Variants in CSMD1 observed in about 807,000 individuals in gnomAD.
CSMD1 encodes the protein CUB and sushi domain-containing protein 1.
A neutral mutation model predicts 417.5 loss-of-function variants in CSMD1; 213 were observed. That is an observed-to-expected ratio of 0.51 (90% CI 0.46 to 0.57). The LOEUF is 0.57. Ranked by LOEUF, CSMD1 falls within the 20% of genes least tolerant of loss-of-function variation. The pLI, the probability that CSMD1 is intolerant of heterozygous loss-of-function variation, is 0.00. For missense variants in CSMD1, 6,923 were observed against 4,529.7 expected (o/e 1.53, Z -15.17); for synonymous variants, 2,862 against 1,736.8 (o/e 1.65, Z -16.11).
chr8:4,621,453 G>T (rs1801773652), intron 2 of CSMD1, among the ~76,000 whole-genome samples: 1 of 152,096 alleles, frequency 6.6e-6, no homozygotes, highest in Non-Finnish European at 1.5e-5. Flanking sequence ...TTAAAAAGCA[G>T]AGATCAAGTG....
intron 2 of CSMD1, among the ~76,000 whole-genome samples, chr8:4,582,258 A>G (rs1195776127): frequency 2.6e-5 from 4 of 152,184 alleles, no homozygotes; most frequent in Non-Finnish European, 5.9e-5. Context: ...GACCTAAAAA[A>G]TGGTCCCGGA....
chr8:3,519,696 GA>G (rs1334400362), intron 10 of CSMD1, among the ~76,000 whole-genome samples: 1 of 152,114 alleles, frequency 6.6e-6, no homozygotes, highest in East Asian at 1.9e-4. Context: ...TTAATTTAAT[GA>G]ATAAAGTGGT....
At chr8:3,563,643 C>G (rs776263261) in intron 10 of CSMD1, among the ~76,000 whole-genome samples, 6 of 152,110 alleles carry the variant, frequency 3.9e-5, no homozygotes, top group South Asian at 2.1e-4. Context: ...GTAATCCCAG[C>G]ACTTTGGGAG....
chr8:3,971,985 C>T (rs1390250285), intron 5 of CSMD1, among the ~76,000 whole-genome samples: 1 of 151,978 alleles, frequency 6.6e-6, no homozygotes, highest in African/African-American at 2.4e-5. Context: ...TGGCTCACTG[C>T]AGCCTTGACC....
intron 5 of CSMD1, among the ~76,000 whole-genome samples, chr8:3,901,928 A>G (rs1807781532): frequency 6.6e-6 from 1 of 152,200 alleles, no homozygotes; most frequent in Non-Finnish European, 1.5e-5. Flanking sequence ...GTGACTATGA[A>G]CAAGAGGACC....
chr8:3,869,623 C>T (rs1006519521), intron 5 of CSMD1, among the ~76,000 whole-genome samples: 17 of 152,086 alleles, frequency 1.1e-4, no homozygotes, highest in Admixed American at 3.3e-4. Flanking sequence ...ACTTTCTCAC[C>T]GCTGAGCTAA....
chr8:4,196,815 G>T (rs1053350511), intron 3 of CSMD1, among the ~76,000 whole-genome samples: 1 of 152,050 alleles, frequency 6.6e-6, no homozygotes, highest in Non-Finnish European at 1.5e-5. Context: ...AGGGATTAAG[G>T]AATGAACACA....
At position 3,188,304 on chromosome 8, in the gene CSMD1, CTTTTTTT is replaced by C. The variant is rs33913660; in HGVS notation, c.5524-346_5524-340del. Among the ~76,000 whole-genome samples, 12 of 87,622 alleles carry C rather than the reference CTTTTTTT, an allele frequency of 1.4e-4. No homozygotes were observed. The East Asian group carries it at 2.7e-3, about 20-fold the overall frequency. The allele number at this position is 87,622 out of a possible 152,430, so 57.5% of individuals were successfully genotyped here. On this transcript the variant is annotated intron_variant, in intron 35 of 69. Coordinates refer to ENST00000635120, the MANE Select transcript of CSMD1 (RefSeq NM_033225.6). ...TTTATTTTTCTTTTTCTTTTCCTTTCTTTTTTTTTTTTTTTTTTTTGAGATGGAGTCT... is the reference window on the plus strand; with the variant it reads ...TTTATTTTTCTTTTTCTTTTCCTTTCTTTTTTTTTTTTTGAGATGGAGTCT...
At chr8:4,333,979 T>A (rs975333711) in intron 3 of CSMD1, among the ~76,000 whole-genome samples, 1 of 152,074 alleles carries the variant, frequency 6.6e-6, no homozygotes, top group Non-Finnish European at 1.5e-5. Context: ...GCAGTCTTAA[T>A]GTTCTGCCTC....
intron 1 of CSMD1, among the ~76,000 whole-genome samples, chr8:4,957,940 T>G (rs1269119793): frequency 6.6e-6 from 1 of 152,200 alleles, no homozygotes; most frequent in Non-Finnish European, 1.5e-5. Context: ...TTACTTGAAG[T>G]ACTCCTTCTG....
intron 1 of CSMD1, among the ~76,000 whole-genome samples, chr8:4,652,200 C>G (rs1803941429): frequency 6.6e-6 from 1 of 152,172 alleles, no homozygotes; most frequent in East Asian, 1.9e-4. Context: ...AAATAGGAGT[C>G]TTCAAAAGAA....
intron 36 of CSMD1, among the ~76,000 whole-genome samples, chr8:3,182,592 G>GTA (rs1821411650): frequency 4.1e-5 from 2 of 49,078 alleles, no homozygotes; most frequent in African/African-American, 1.0e-4. Flanking sequence ...GTGTGTGTGT[G>GTA]TGTGTGTGTG....
intron 7 of CSMD1, among the ~76,000 whole-genome samples, chr8:3,651,740 TATC>T (rs2117385991): frequency 6.7e-6 from 1 of 149,034 alleles, no homozygotes; most frequent in South Asian, 2.2e-4. Flanking sequence ...GCGTGCTTAC[TATC>T]ATCACTATAC....
intron 12 of CSMD1, among the ~76,000 whole-genome samples, chr8:3,457,010 G>T (rs1395044371): frequency 6.6e-6 from 1 of 151,164 alleles, no homozygotes; most frequent in Non-Finnish European, 1.5e-5. Context: ...TCCTTCCCTT[G>T]CACATCTCAT....
At chr8:3,093,710 C>CTTTG (rs1274026118) in intron 47 of CSMD1, among the ~76,000 whole-genome samples, 1 of 152,006 alleles carries the variant, frequency 6.6e-6, no homozygotes, top group Non-Finnish European at 1.5e-5. Context: ...ATTTATGGCA[C>CTTTG]TTTGTCATGG....
intron 26 of CSMD1, among the ~76,000 whole-genome samples, chr8:3,249,937 A>T (rs1394325422): frequency 6.6e-6 from 1 of 152,242 alleles, no homozygotes; most frequent in Non-Finnish European, 1.5e-5. Context: ...AATGTCAAGG[A>T]CAAAATTATT....
chr8:4,988,727 T>A (rs1811309543), intron 1 of CSMD1, among the ~76,000 whole-genome samples: 1 of 152,190 alleles, frequency 6.6e-6, no homozygotes, highest in Admixed American at 6.5e-5. Flanking sequence ...TCCTCTCCCA[T>A]AAAGTACAGG....
At chr8:2,974,360 CA>C in intron 56 of CSMD1, 90 bp downstream of exon 56, 1 of 1,246,390 alleles carries the variant, frequency 8.0e-7, no homozygotes, top group Non-Finnish European at 1.1e-6. Flanking sequence ...TAGGGCTTTT[CA>C]AATAACTGTA....
At chr8:4,134,512 C>G (rs1415336512) in intron 3 of CSMD1, among the ~76,000 whole-genome samples, 8 of 152,208 alleles carry the variant, frequency 5.3e-5, no homozygotes, top group Admixed American at 3.9e-4. Flanking sequence ...GCCTCCAGAA[C>G]TGTGAGAAGA....
Sources: gnomAD v4.1 joint callset for allele counts (sites outside exome capture counted in the v4.1 genomes callset) on GRCh38, gnomAD v4.1.1 for gene constraint, MANE v1.5 for transcripts, NCBI Gene and HGNC (gene_info 2026-07-23, HGNC 2026-07-21) for gene names.